The following TMEFF2 variants were observed in gnomAD, a reference collection of about 807,000 sequenced individuals.
TMEFF2 encodes transmembrane protein with EGF like and two follistatin like domains 2.
Under a neutral mutation model 53.8 loss-of-function variants are expected in TMEFF2, and 28 were observed. That is an observed-to-expected ratio of 0.52 (90% CI 0.39 to 0.71). The LOEUF (loss-of-function observed/expected upper bound fraction) is 0.71. Among genes scored for constraint, TMEFF2 ranks in the 30% least tolerant of loss-of-function variants. TMEFF2 has a pLI of 0.00. For synonymous variants in TMEFF2, 162 were observed against 166.3 expected, an observed-to-expected ratio of 0.97 and a Z score of 0.20; for missense variants, 353 against 455.2, an observed-to-expected ratio of 0.78 and a Z score of 2.04.
At chr2:192,016,333 G>C (rs1466277952) in intron 5 of TMEFF2, among the ~76,000 whole-genome samples, 1 of 152,192 alleles carries the variant, frequency 6.6e-6, no homozygotes, top group Non-Finnish European at 1.5e-5. Flanking sequence ...AATTAGGTTA[G>C]ATTGATCAAG....
chr2:191,976,053 A>G (rs142415125), intron 7 of TMEFF2, among the ~76,000 whole-genome samples: 146 of 152,316 alleles, frequency 9.6e-4, no homozygotes, highest in African/African-American at 3.4e-3. Flanking sequence ...CACATAATTG[A>G]TATGTTATCT....
chr2:192,158,922 G>A (rs574109752), intron 4 of TMEFF2, among the ~76,000 whole-genome samples: 1 of 151,874 alleles, frequency 6.6e-6, no homozygotes, highest in Admixed American at 6.6e-5. Context: ...CCTTTCTAAG[G>A]TTCTCCCTAT....
chr2:192,013,144 A>C (rs1686669329), intron 5 of TMEFF2, among the ~76,000 whole-genome samples: 1 of 152,196 alleles, frequency 6.6e-6, no homozygotes. Flanking sequence ...CCTGGACCTT[A>C]GAATAAAACT....
In TMEFF2 at chr2:192,062,654, A is replaced by G. The variant is rs115019862; in HGVS notation, c.440-4879T>C. Among the ~76,000 whole-genome samples the G allele has an allele frequency of 2.0e-3, 311 of 152,250 alleles. 1 individual carries two copies. The highest frequency in any genetic ancestry group is 7.1e-3 in the African/African-American group (294 of 41,550). ...TCTGTTGTCAGATATATGTGTTGCA[A>G]TATTTTTCTCGGTCTATTTTGTTGA... On this transcript the variant is annotated intron_variant, in intron 4 of 9. Coordinates refer to ENST00000272771, the MANE Select transcript of TMEFF2 (RefSeq NM_016192.4).
chr2:191,962,385 TTAAAA>T (rs1423108339), intron 7 of TMEFF2, among the ~76,000 whole-genome samples: 28 of 152,252 alleles, frequency 1.8e-4, no homozygotes, highest in African/African-American at 5.8e-4. Context: ...GAACATAAAA[TTAAAA>T]TAAAGTGTAA....
At chr2:192,070,014 A>G (rs1450223512) in intron 4 of TMEFF2, among the ~76,000 whole-genome samples, 458 of 16,556 alleles carry the variant, frequency 0.028, 14 homozygotes, top group Admixed American at 0.049. Context: ...ATATATATAT[A>G]TATATATATA....
intron 4 of TMEFF2, among the ~76,000 whole-genome samples, chr2:192,149,010 A>C (rs1391931081): frequency 6.6e-6 from 1 of 151,986 alleles, no homozygotes; most frequent in Non-Finnish European, 1.5e-5. Flanking sequence ...GAAAACCACA[A>C]AGAGAGGCGA....
At chr2:191,966,431 A>C (rs181351036) in intron 7 of TMEFF2, among the ~76,000 whole-genome samples, 125 of 152,322 alleles carry the variant, frequency 8.2e-4, no homozygotes, top group Non-Finnish European at 1.4e-3. Context: ...CTTTCATTTA[A>C]AGATTGAAGT....
intron 4 of TMEFF2, among the ~76,000 whole-genome samples, chr2:192,145,393 A>G (rs1048878696): frequency 6.6e-6 from 1 of 152,018 alleles, no homozygotes; most frequent in African/African-American, 2.4e-5. Flanking sequence ...ACAGCAATAT[A>G]GAAGTATATG....
intron 4 of TMEFF2, among the ~76,000 whole-genome samples, chr2:192,171,139 A>T (rs1426862922): frequency 6.6e-6 from 1 of 152,084 alleles, no homozygotes; most frequent in Non-Finnish European, 1.5e-5. Context: ...AAGAAGAAGG[A>T]TATCTTAAAT....
chr2:191,978,042 C>T (rs539176179), intron 7 of TMEFF2, among the ~76,000 whole-genome samples: 1 of 152,290 alleles, frequency 6.6e-6, no homozygotes, highest in East Asian at 1.9e-4. Context: ...GCACTTTTAG[C>T]AGAAACTCAA....
chr2:192,179,908 C>T (rs1691144355), intron 3 of TMEFF2, among the ~76,000 whole-genome samples: 1 of 151,426 alleles, frequency 6.6e-6, no homozygotes, highest in South Asian at 2.1e-4. Context: ...TATTCCAGAG[C>T]TTTACGAAAA....
intron 4 of TMEFF2, among the ~76,000 whole-genome samples, chr2:192,115,458 AG>A (rs1689381840): frequency 6.6e-6 from 1 of 151,990 alleles, no homozygotes; most frequent in African/African-American, 2.4e-5. Context: ...CCAAAAGCAC[AG>A]GCAACAAAAG....
intron 7 of TMEFF2, among the ~76,000 whole-genome samples, chr2:191,988,186 T>C (rs953028048): frequency 6.6e-6 from 1 of 152,232 alleles, no homozygotes; most frequent in Non-Finnish European, 1.5e-5. Context: ...TTTTTCTACA[T>C]ATAGAAGACA....
intron 7 of TMEFF2, among the ~76,000 whole-genome samples, chr2:191,981,345 T>A (rs1685847757): frequency 1.3e-5 from 2 of 151,956 alleles, no homozygotes; most frequent in Admixed American, 1.3e-4. Flanking sequence ...ATTTTTTCTC[T>A]TCTCTGCCAG....
intron 4 of TMEFF2, among the ~76,000 whole-genome samples, chr2:192,143,372 G>C (rs1045603257): frequency 6.6e-6 from 1 of 151,928 alleles, no homozygotes; most frequent in Non-Finnish European, 1.5e-5. Flanking sequence ...TGGTGTATGC[G>C]GGCTATTGCA....
At chr2:192,193,066 A>G (rs978054798) in intron 1 of TMEFF2, among the ~76,000 whole-genome samples, 2 of 152,254 alleles carry the variant, frequency 1.3e-5, no homozygotes, top group Non-Finnish European at 2.9e-5. Flanking sequence ...TGGCATTTAC[A>G]TCAGTAATAA....
chr2:192,092,479 CCAA>C (rs1394199970), intron 4 of TMEFF2, among the ~76,000 whole-genome samples: 3 of 151,976 alleles, frequency 2.0e-5, no homozygotes, highest in Admixed American at 6.6e-5. Flanking sequence ...TTCAGTGCTC[CCAA>C]CAACAATATA....
intron 2 of TMEFF2, among the ~76,000 whole-genome samples, chr2:192,187,868 T>G (rs1045574270): frequency 2.0e-5 from 3 of 152,196 alleles, no homozygotes; most frequent in Non-Finnish European, 4.4e-5. Context: ...ATGTGAGAAG[T>G]TTTTCATGGG....
Sources: gnomAD v4.1 joint callset for allele counts (sites outside exome capture counted in the v4.1 genomes callset) on GRCh38, gnomAD v4.1.1 for gene constraint, MANE v1.5 for transcripts, NCBI Gene and HGNC (gene_info 2026-07-23, HGNC 2026-07-21) for gene names.